The following C6orf118 variants were observed in gnomAD, a reference collection of about 807,000 sequenced individuals.
C6orf118 encodes the protein uncharacterized protein C6orf118.
C6orf118 carries 50 observed loss-of-function variants against 50.2 expected under a neutral mutation model. That is an observed-to-expected ratio of 1.00 (90% CI 0.79 to 1.26). The LOEUF is 1.26. Among genes scored for constraint, C6orf118 ranks in the 50% most tolerant of loss-of-function variants. The probability of loss-of-function intolerance (pLI) is 0.00; values close to 1 mark genes in which losing one functional copy is unlikely to be tolerated. For missense variants in C6orf118, 641 were observed against 578.7 expected (o/e 1.11, Z -1.10); for synonymous variants, 239 against 230.9 (o/e 1.03, Z -0.32).
intron 7 of C6orf118, among the ~76,000 whole-genome samples, chr6:165,288,967 A>AAATAG (rs1182557871): frequency 1.3e-5 from 2 of 152,070 alleles, no homozygotes; most frequent in Non-Finnish European, 2.9e-5. Context: ...AAATAAAATA[A>AAATAG]ATAAATGTAA....
intron 8 of C6orf118, 172 bp downstream of exon 8, chr6:165,281,468 T>G: frequency 7.3e-7 from 1 of 1,362,310 alleles, no homozygotes; most frequent in Middle Eastern, 2.4e-4. Flanking sequence ...TTTATCATGA[T>G]GTCAATACTT....
intron 1 of C6orf118, 31 bp from the exon 2 acceptor site, chr6:165,302,327 G>A: frequency 6.3e-7 from 1 of 1,597,010 alleles, no homozygotes; most frequent in Non-Finnish European, 8.5e-7. Context: ...GGCTCTTAGG[G>A]ATCGCTCTTA....
chr6:165,296,191 T>C (rs567259308), intron 5 of C6orf118, among the ~76,000 whole-genome samples: 120 of 152,224 alleles, frequency 7.9e-4, no homozygotes, highest in Non-Finnish European at 1.3e-3. Flanking sequence ...TTTTTAAACT[T>C]TGGATGCATT....
intron 1 of C6orf118, among the ~76,000 whole-genome samples, chr6:165,308,961 C>T (rs1422815274): frequency 6.6e-6 from 1 of 152,218 alleles, no homozygotes; most frequent in East Asian, 1.9e-4. Flanking sequence ...AGTCGGTAGT[C>T]CTGTTTCAGT....
At chr6:165,299,608 A>C in intron 3 of C6orf118, 106 bp from the exon 4 acceptor site, 1 of 803,848 alleles carries the variant, frequency 1.2e-6, no homozygotes, top group Non-Finnish European at 2.0e-6. Flanking sequence ...CATTTAGATC[A>C]TTTCAGAAAA....
intron 8 of C6orf118, 155 bp downstream of exon 8, chr6:165,281,485 G>C: frequency 7.2e-7 from 1 of 1,388,758 alleles, no homozygotes; most frequent in Non-Finnish European, 9.4e-7. Context: ...ACTTACTCCT[G>C]CCTCTCTTCA....
Position 165,309,587 on chromosome 6 carries a change from C to T in C6orf118, c.-1G>A, listed in dbSNP as rs755628635. 21 of 1,614,142 alleles carry T rather than the reference C, an allele frequency of 1.3e-5. No homozygotes were observed. The Middle Eastern group carries it at 1.2e-3, about 89-fold the overall frequency. On this transcript the variant is annotated 5_prime_UTR_variant, in exon 1 of 9. Coordinates refer to ENST00000230301, the MANE Select transcript of C6orf118 (RefSeq NM_144980.4). The stretch of plus-strand genomic sequence containing the variant: ...ATTCAGGCTCCCGCTCCTCCGCCAT[C>T]GCTTCCTTCCCTCCAGCTGCCTGGG...
At chr6:165,301,486 A>G (rs1780533953) in intron 2 of C6orf118, 83 bp downstream of exon 2, 2 of 1,508,044 alleles carry the variant, frequency 1.3e-6, no homozygotes, top group African/African-American at 1.4e-5. Flanking sequence ...GGTTTGCCCC[A>G]GAGCTGTGCC....
chr6:165,302,402 T>C (rs561112), intron 1 of C6orf118, 106 bp from the exon 2 acceptor site: 507,673 of 1,377,980 alleles, frequency 0.37, 98,214 homozygotes, highest in African/African-American at 0.68. Context: ...AGAGGGTCTA[T>C]GGAGAAACAG....
intron 5 of C6orf118, among the ~76,000 whole-genome samples, chr6:165,296,250 GTTTTTTTTTTTTT>G (rs56394079): frequency 6.8e-5 from 7 of 103,390 alleles, no homozygotes; most frequent in African/African-American, 1.9e-4. Context: ...TTCGTTTTTT[GTTTTTTTTTTTTT>G]TTTTTTTTTT....
intron 1 of C6orf118, among the ~76,000 whole-genome samples, chr6:165,309,083 A>C (rs1780847415): frequency 6.6e-6 from 1 of 152,236 alleles, no homozygotes; most frequent in African/African-American, 2.4e-5. Flanking sequence ...ACCAGCCTTC[A>C]GGGTCACAGA....
intron 8 of C6orf118, 189 bp downstream of exon 8, chr6:165,281,451 T>A: frequency 7.8e-7 from 1 of 1,282,566 alleles, no homozygotes; most frequent in Non-Finnish European, 1.0e-6. Flanking sequence ...GATACTGCTC[T>A]AGTTCTTTTA....
chr6:165,297,659 T>C (rs960580825), intron 5 of C6orf118, among the ~76,000 whole-genome samples: 3 of 152,062 alleles, frequency 2.0e-5, no homozygotes, highest in Non-Finnish European at 4.4e-5. Flanking sequence ...TAAAAAACAA[T>C]AGGGGCATTC....
At chr6:165,293,627 A>G (rs2128159909) in intron 5 of C6orf118, among the ~76,000 whole-genome samples, 156 bp from the exon 6 acceptor site, 1 of 152,256 alleles carries the variant, frequency 6.6e-6, no homozygotes, top group South Asian at 2.1e-4. Flanking sequence ...TTATTAAATG[A>G]CAGCCTAAAT....
At chr6:165,295,059 T>C (rs1780242996) in intron 5 of C6orf118, among the ~76,000 whole-genome samples, 1 of 152,208 alleles carries the variant, frequency 6.6e-6, no homozygotes, top group African/African-American at 2.4e-5. Context: ...ACTTTAATTA[T>C]ACGTGAATTG....
At chr6:165,308,411 C>G (rs556255734) in intron 1 of C6orf118, among the ~76,000 whole-genome samples, 1 of 152,130 alleles carries the variant, frequency 6.6e-6, no homozygotes, top group Non-Finnish European at 1.5e-5. Context: ...GTGGAAGCCA[C>G]AGGCCAGACA....
At chr6:165,300,733 G>A (rs975799888) in intron 2 of C6orf118, among the ~76,000 whole-genome samples, 30 of 151,924 alleles carry the variant, frequency 2.0e-4, no homozygotes, top group African/African-American at 6.3e-4. Context: ...CTTGCTCCCC[G>A]TGCTCAAGCA....
intron 8 of C6orf118, among the ~76,000 whole-genome samples, chr6:165,280,371 A>C (rs563168472): frequency 6.6e-6 from 1 of 152,326 alleles, no homozygotes; most frequent in African/African-American, 2.4e-5. Flanking sequence ...ACATAATGAT[A>C]TACTTGAGTC....
At chr6:165,289,751 T>A in intron 7 of C6orf118, 135 bp downstream of exon 7, 1 of 481,842 alleles carries the variant, frequency 2.1e-6, no homozygotes, top group Non-Finnish European at 3.6e-6. Flanking sequence ...GCTACAAACA[T>A]TTTGAAATAA....
Sources: allele counts gnomAD v4.1 joint callset (sites outside exome capture counted in the v4.1 genomes callset), GRCh38; gene constraint gnomAD v4.1.1; transcripts MANE v1.5; gene names NCBI Gene and HGNC (gene_info 2026-07-23, HGNC 2026-07-21).